Variants in HCN1 observed in about 807,000 individuals in gnomAD.
HCN1 encodes potassium/sodium hyperpolarization-activated cyclic nucleotide-gated channel 1.
Under a neutral mutation model 78.9 loss-of-function variants are expected in HCN1, and 13 were observed. The observed-to-expected ratio is 0.16, with a 90% CI of 0.11 to 0.26. HCN1 has a LOEUF of 0.26. Ranked by LOEUF, HCN1 falls within the 10% of genes least tolerant of loss-of-function variation. HCN1 has a pLI of 1.00. For missense variants in HCN1, 810 were observed against 1,154.3 expected (o/e 0.70, Z 4.32); for synonymous variants, 552 against 455.5 (o/e 1.21, Z -2.70).
intron 2 of HCN1, among the ~76,000 whole-genome samples, chr5:45,540,824 C>A (rs1743089029): frequency 6.6e-6 from 1 of 151,980 alleles, no homozygotes; most frequent in African/African-American, 2.4e-5. Context: ...ATGTGTTCTC[C>A]TTGATGAAAA....
intron 3 of HCN1, among the ~76,000 whole-genome samples, chr5:45,405,238 G>A (rs931028545): frequency 1.7e-4 from 26 of 152,098 alleles, no homozygotes; most frequent in Admixed American, 9.2e-4. Context: ...AGAATATAGT[G>A]TAGCATAATT....
Position 45,410,363 on chromosome 5 carries a change from T to C in HCN1, c.1012-13653A>G, listed in dbSNP as rs1317242798. ...ATTTGGTAAAATGATGAAGATACTATGATCTGTACTGTCCAATATTTCCAT... is the reference window on the plus strand; with the variant it reads ...ATTTGGTAAAATGATGAAGATACTACGATCTGTACTGTCCAATATTTCCAT... On this transcript the variant is annotated intron_variant, in intron 3 of 7. Coordinates refer to ENST00000303230, the MANE Select transcript of HCN1 (RefSeq NM_021072.4). Among the ~76,000 whole-genome samples, 13 of 152,144 alleles carry C rather than the reference T, an allele frequency of 8.5e-5. No individual in the cohort carries two copies. In the East Asian group the frequency reaches 1.4e-3, roughly 16 times the overall value.
chr5:45,658,720 C>T (rs867088202), intron 1 of HCN1, among the ~76,000 whole-genome samples: 2 of 151,860 alleles, frequency 1.3e-5, no homozygotes, highest in African/African-American at 4.8e-5. Context: ...CGGGTCACTC[C>T]CACCCGAATA....
chr5:45,583,592 T>A (rs1744135523), intron 2 of HCN1, among the ~76,000 whole-genome samples: 1 of 152,204 alleles, frequency 6.6e-6, no homozygotes, highest in Non-Finnish European at 1.5e-5. Flanking sequence ...TGCTCTTGCT[T>A]CTCTAGTTCT....
chr5:45,584,622 C>T (rs568321300), intron 2 of HCN1, among the ~76,000 whole-genome samples: 6 of 152,224 alleles, frequency 3.9e-5, no homozygotes, highest in African/African-American at 7.2e-5. Flanking sequence ...TTCTTCCTAG[C>T]CTCGATGGTC....
intron 4 of HCN1, among the ~76,000 whole-genome samples, chr5:45,374,615 T>G (rs1344893524): frequency 6.7e-6 from 1 of 150,072 alleles, no homozygotes; most frequent in African/African-American, 2.4e-5. Context: ...TTCCAAAAAC[T>G]TGGGGAGGGA....
At chr5:45,279,505 A>G (rs1745120839) in intron 6 of HCN1, among the ~76,000 whole-genome samples, 1 of 152,160 alleles carries the variant, frequency 6.6e-6, no homozygotes, top group Non-Finnish European at 1.5e-5. Flanking sequence ...TTTTTCCTAT[A>G]TTTTGTTAAT....
chr5:45,333,817 C>G (rs924432287), intron 5 of HCN1, among the ~76,000 whole-genome samples: 3 of 151,624 alleles, frequency 2.0e-5, no homozygotes, highest in African/African-American at 7.3e-5. Flanking sequence ...AGTGGTTGCA[C>G]TAATTACATT....
intron 6 of HCN1, among the ~76,000 whole-genome samples, chr5:45,276,715 T>G (rs1487936574): frequency 2.0e-5 from 3 of 152,094 alleles, no homozygotes; most frequent in African/African-American, 4.8e-5. Flanking sequence ...GATTTGAGCA[T>G]AATTCCAAGG....
At chr5:45,356,089 C>G (rs538845451) in intron 4 of HCN1, among the ~76,000 whole-genome samples, 7 of 151,898 alleles carry the variant, frequency 4.6e-5, no homozygotes, top group Non-Finnish European at 1.0e-4. Flanking sequence ...TAGTGGTAGT[C>G]AGACCGTGAA....
At chr5:45,469,380 C>G (rs1011238649) in intron 2 of HCN1, among the ~76,000 whole-genome samples, 1 of 151,840 alleles carries the variant, frequency 6.6e-6, no homozygotes, top group Non-Finnish European at 1.5e-5. Context: ...GATTAATACT[C>G]TAAAAAACAG....
chr5:45,678,690 A>C (rs1040341307), intron 1 of HCN1, among the ~76,000 whole-genome samples: 1 of 152,000 alleles, frequency 6.6e-6, no homozygotes, highest in Non-Finnish European at 1.5e-5. Context: ...GGAAATTAAA[A>C]GTATTTCTAG....
chr5:45,434,214 C>G (rs904054240), intron 3 of HCN1, among the ~76,000 whole-genome samples: 2 of 152,150 alleles, frequency 1.3e-5, no homozygotes, highest in African/African-American at 2.4e-5. Flanking sequence ...CCTATTTTCT[C>G]TCTTTTACTG....
intron 2 of HCN1, among the ~76,000 whole-genome samples, chr5:45,562,105 G>C (rs1743616529): frequency 6.6e-6 from 1 of 151,942 alleles, no homozygotes; most frequent in Non-Finnish European, 1.5e-5. Context: ...AGGTGGCCTG[G>C]TGACTCCCAA....
At chr5:45,506,173 T>G (rs1385115196) in intron 2 of HCN1, among the ~76,000 whole-genome samples, 1 of 152,146 alleles carries the variant, frequency 6.6e-6, no homozygotes, top group Non-Finnish European at 1.5e-5. Context: ...TATCTCAAAC[T>G]TAGATTGTAA....
chr5:45,578,332 A>G (rs1743989834), intron 2 of HCN1, among the ~76,000 whole-genome samples: 1 of 151,982 alleles, frequency 6.6e-6, no homozygotes, highest in African/African-American at 2.4e-5. Context: ...CTTGGAAGTG[A>G]ATATGAACTG....
At chr5:45,638,335 T>C (rs1474388650) in intron 2 of HCN1, among the ~76,000 whole-genome samples, 1 of 152,136 alleles carries the variant, frequency 6.6e-6, no homozygotes, top group Non-Finnish European at 1.5e-5. Context: ...TATCAACATA[T>C]AGCCATGGAA....
chr5:45,638,682 C>A (rs186458266), intron 2 of HCN1, among the ~76,000 whole-genome samples: 8 of 152,294 alleles, frequency 5.3e-5, no homozygotes, highest in Admixed American at 4.6e-4. Context: ...GTGGGCAGAT[C>A]ACCTGAGGTC....
chr5:45,428,406 T>C (rs897343171), intron 3 of HCN1, among the ~76,000 whole-genome samples: 2 of 152,064 alleles, frequency 1.3e-5, no homozygotes, highest in African/African-American at 2.4e-5. Context: ...TTCTTCTTTA[T>C]CATTAACTTG....
Sources: allele counts gnomAD v4.1 joint callset (sites outside exome capture counted in the v4.1 genomes callset), GRCh38; gene constraint gnomAD v4.1.1; transcripts MANE v1.5; gene names NCBI Gene and HGNC (gene_info 2026-07-23, HGNC 2026-07-21).